Variants in KIAA1328 observed in about 807,000 individuals in gnomAD.
KIAA1328 encodes protein hinderin.
A neutral mutation model predicts 68.1 loss-of-function variants in KIAA1328; 52 were observed. The observed-to-expected ratio is 0.76, with a 90% CI of 0.61 to 0.96. The LOEUF (loss-of-function observed/expected upper bound fraction) is 0.96, where lower values mean the gene tolerates loss of function less well. KIAA1328 is among the 40% of genes least tolerant of loss of function. The pLI, the probability that KIAA1328 is intolerant of heterozygous loss-of-function variation, is 0.00. For synonymous variants in KIAA1328, 232 were observed against 239.4 expected (o/e 0.97, Z 0.28); for missense variants, 641 against 677.6 (o/e 0.95, Z 0.60).
At chr18:37,048,477 C>T (rs917989390) in intron 6 of KIAA1328, among the ~76,000 whole-genome samples, 1 of 152,072 alleles carries the variant, frequency 6.6e-6, no homozygotes, top group Admixed American at 6.6e-5. Flanking sequence ...TTATGTCTTA[C>T]AACCTGTCTA....
chr18:36,871,205 C>T (rs1316602584), intron 4 of KIAA1328, among the ~76,000 whole-genome samples: 1 of 152,202 alleles, frequency 6.6e-6, no homozygotes, highest in Non-Finnish European at 1.5e-5. Context: ...TACCTCACAT[C>T]AGCCTAATAT....
At chr18:36,883,952 G>GTATATGTGTGTATATATATATATA (rs540895118) in intron 4 of KIAA1328, among the ~76,000 whole-genome samples, 1 of 120,804 alleles carries the variant, frequency 8.3e-6, no homozygotes, top group Non-Finnish European at 1.7e-5. Flanking sequence ...TATTTATAAA[G>GTATATGTGTGTATATATATATATA]TATATATATA....
intron 5 of KIAA1328, among the ~76,000 whole-genome samples, chr18:36,923,122 GAA>G (rs1354595147): frequency 6.6e-6 from 1 of 151,996 alleles, no homozygotes; most frequent in African/African-American, 2.4e-5. Flanking sequence ...AAATGAAAAT[GAA>G]AACACAACAC....
intron 8 of KIAA1328, among the ~76,000 whole-genome samples, chr18:37,162,040 G>A (rs1218074415): frequency 6.6e-6 from 1 of 152,062 alleles, no homozygotes; most frequent in Non-Finnish European, 1.5e-5. Flanking sequence ...GACTAACAGG[G>A]GTTCAGAACC....
At chr18:37,093,486 A>C (rs929790231) in intron 7 of KIAA1328, among the ~76,000 whole-genome samples, 2 of 152,214 alleles carry the variant, frequency 1.3e-5, no homozygotes, top group African/African-American at 4.8e-5. Flanking sequence ...CTGGAACTGA[A>C]GAATCCAATG....
At chr18:37,055,496 G>C (rs890984841) in intron 6 of KIAA1328, among the ~76,000 whole-genome samples, 25 of 152,308 alleles carry the variant, frequency 1.6e-4, no homozygotes, top group African/African-American at 6.0e-4. Flanking sequence ...CAGCAGAGGA[G>C]AGTTAATTGC....
At chr18:37,097,152 GCCTATGT>G (rs1199382053) in intron 7 of KIAA1328, among the ~76,000 whole-genome samples, 5 of 152,164 alleles carry the variant, frequency 3.3e-5, no homozygotes, top group Non-Finnish European at 7.4e-5. Context: ...CCTTGCCCAT[GCCTATGT>G]CCTGAATGGT....
chr18:36,911,609 A>T (rs914305125), intron 5 of KIAA1328, among the ~76,000 whole-genome samples: 5 of 152,182 alleles, frequency 3.3e-5, no homozygotes, highest in African/African-American at 1.2e-4. Context: ...AAGCATTGAG[A>T]CAAGAAACAC....
At chr18:37,153,722 G>A (rs1599445534) in intron 7 of KIAA1328, among the ~76,000 whole-genome samples, 1 of 139,036 alleles carries the variant, frequency 7.2e-6, no homozygotes, top group South Asian at 2.2e-4. Context: ...GGACAATATA[G>A]CAATTGTTTA....
chr18:37,067,339 G>A lies in KIAA1328; in HGVS notation c.1026G>A (p.Trp342Ter). ...PESCSYCRLS[W>*]ASLVHGGGAL... ...CATGCAGTTATTGTCGGCTTTCTTG[G>A]GCATCTCTGGTGCATGGTGGTGGGG... The change falls in exon 7 of 10, where the codon TGG becomes TGA. Residue 342 changes from tryptophan (W) to a stop codon, truncating the protein, a stop_gained. Transcript: ENST00000280020. LOFTEE classifies it high-confidence loss of function. 1 of 1,613,868 alleles carries A rather than the reference G, an allele frequency of 6.2e-7. No individual in the cohort carries two copies. Among genetic ancestry groups the A allele is most frequent in the Non-Finnish European group, 8.5e-7 (1 of 1,179,856 alleles).
intron 6 of KIAA1328, among the ~76,000 whole-genome samples, chr18:36,963,198 T>C (rs1263796383): frequency 6.6e-6 from 1 of 152,220 alleles, no homozygotes; most frequent in Non-Finnish European, 1.5e-5. Flanking sequence ...GAAGTTTCCC[T>C]GCTACACGGA....
At chr18:36,829,381 A>G in intron 1 of KIAA1328, 185 bp downstream of exon 1, 1 of 1,372,230 alleles carries the variant, frequency 7.3e-7, no homozygotes, top group Non-Finnish European at 9.3e-7. Flanking sequence ...TGGCCGAGAG[A>G]CTGGTACTGT....
chr18:37,211,979 C>T (rs531809843), intron 9 of KIAA1328, among the ~76,000 whole-genome samples: 1 of 151,334 alleles, frequency 6.6e-6, no homozygotes, highest in African/African-American at 2.4e-5. Flanking sequence ...CTCAGAGTAT[C>T]CCCCCCTAGC....
At chr18:36,998,063 C>G (rs1208849743) in intron 6 of KIAA1328, among the ~76,000 whole-genome samples, 1 of 152,120 alleles carries the variant, frequency 6.6e-6, no homozygotes, top group Non-Finnish European at 1.5e-5. Flanking sequence ...GAGGGTCGCC[C>G]CACCCTGCCC....
chr18:37,057,671 G>A (rs936171285), intron 6 of KIAA1328, among the ~76,000 whole-genome samples: 9 of 151,418 alleles, frequency 5.9e-5, no homozygotes, highest in Admixed American at 2.6e-4. Flanking sequence ...TCCTGACCTC[G>A]TGATCCACCT....
At chr18:37,079,881 T>A (rs567794184) in intron 7 of KIAA1328, among the ~76,000 whole-genome samples, 38 of 133,794 alleles carry the variant, frequency 2.8e-4, no homozygotes, top group African/African-American at 9.3e-4. Context: ...AGCAAGGCTG[T>A]CTCAAAAAAA....
chr18:36,829,440 G>GT (rs1456910248), intron 1 of KIAA1328: 1 of 1,310,334 alleles, frequency 7.6e-7, no homozygotes, highest in East Asian at 3.2e-5. Flanking sequence ...CTCACTACCG[G>GT]TGAGCTCGAG....
At chr18:37,127,655 C>CT (rs1216479835) in intron 7 of KIAA1328, among the ~76,000 whole-genome samples, 1 of 152,176 alleles carries the variant, frequency 6.6e-6, no homozygotes, top group Non-Finnish European at 1.5e-5. Context: ...TGTCAATTCT[C>CT]TAACAAATTG....
chr18:37,102,702 C>T (rs899326198), intron 7 of KIAA1328, among the ~76,000 whole-genome samples: 7 of 152,086 alleles, frequency 4.6e-5, no homozygotes, highest in Admixed American at 2.6e-4. Flanking sequence ...CTCTCATATT[C>T]AACATAGTAC....
Sources: allele counts gnomAD v4.1 joint callset (sites outside exome capture counted in the v4.1 genomes callset), GRCh38; gene constraint gnomAD v4.1.1; transcripts MANE v1.5; gene names NCBI Gene and HGNC (gene_info 2026-07-23, HGNC 2026-07-21).